The following ACBD6 variants were observed in gnomAD, a reference collection of about 807,000 sequenced individuals.
ACBD6 encodes the protein acyl-CoA-binding domain-containing protein 6.
A neutral mutation model predicts 37.2 loss-of-function variants in ACBD6; 28 were observed. The observed-to-expected ratio is 0.75, with a 90% CI of 0.56 to 1.03. The LOEUF (loss-of-function observed/expected upper bound fraction) is 1.03. Ranked by LOEUF, ACBD6 falls within the 50% of genes least tolerant of loss-of-function variation. The pLI is 0.00. For missense variants in ACBD6, 340 were observed against 337.4 expected (o/e 1.01, Z -0.06); for synonymous variants, 113 against 126.8 (o/e 0.89, Z 0.73).
chr1:180,443,688 C>T (rs951326736), intron 3 of ACBD6, among the ~76,000 whole-genome samples: 12 of 152,118 alleles, frequency 7.9e-5, no homozygotes, highest in African/African-American at 2.9e-4. Context: ...TCTTGGCTCC[C>T]TGCAAGCTCC....
chr1:180,345,793 A>C (rs1266853364), intron 6 of ACBD6, among the ~76,000 whole-genome samples: 1 of 152,240 alleles, frequency 6.6e-6, no homozygotes, highest in African/African-American at 2.4e-5. Context: ...TGTATATTTA[A>C]AAATGTTTTA....
rs1033639404 is a variant in ACBD6 at position 180,430,333 on chromosome 1, A to G, written c.385-71T>C. On this transcript the variant is annotated intron_variant, in intron 3 of 7. Transcript: ENST00000367595. ...AACAATAGGTATTTAAATCAGTTACAAAATGTTATTTTGCTAAGAAAGACT... is the reference window on the plus strand; with the variant it reads ...AACAATAGGTATTTAAATCAGTTACGAAATGTTATTTTGCTAAGAAAGACT... 13 of 1,289,980 alleles carry G rather than the reference A, an allele frequency of 1.0e-5. No individual in the cohort carries two copies. In the African/African-American group the frequency reaches 1.7e-4, roughly 17 times the overall value. 79.9% of individuals were successfully genotyped at this position (1,289,980 alleles called of 1,614,324 possible).
At chr1:180,495,584 T>A in intron 1 of ACBD6, 59 bp from the exon 2 acceptor site, 2 of 1,369,356 alleles carry the variant, frequency 1.5e-6, no homozygotes, top group Non-Finnish European at 2.1e-6. Flanking sequence ...GGGAAACTTT[T>A]CCTTTTCAAA....
At chr1:180,301,952 TAC>T (rs1437731107) in intron 7 of ACBD6, among the ~76,000 whole-genome samples, 1 of 152,136 alleles carries the variant, frequency 6.6e-6, no homozygotes, top group African/African-American at 2.4e-5. Context: ...TACAATCGTT[TAC>T]ACTTTTCTCA....
intron 5 of ACBD6, among the ~76,000 whole-genome samples, chr1:180,412,109 C>CAA (rs57171524): frequency 3.9e-3 from 434 of 112,234 alleles, no homozygotes; most frequent in African/African-American, 9.2e-3. Context: ...TTCTGAAAGG[C>CAA]AAAAAAAAAA....
intron 9 of ACBD6, chr1:180,278,603 T>A (rs1169858472): frequency 6.6e-6 from 1 of 150,738 alleles, no homozygotes; most frequent in Non-Finnish European, 1.5e-5. Flanking sequence ...CCCACTCTCA[T>A]CTATTGCCCA....
chr1:180,289,253 G>A (rs1055623157), intron 7 of ACBD6, among the ~76,000 whole-genome samples: 1 of 152,108 alleles, frequency 6.6e-6, no homozygotes, highest in Non-Finnish European at 1.5e-5. Flanking sequence ...GATCAGTGGG[G>A]AAATAAAGAC....
chr1:180,463,241 T>G (rs1192304134), intron 3 of ACBD6, among the ~76,000 whole-genome samples: 1 of 152,000 alleles, frequency 6.6e-6, no homozygotes, highest in Non-Finnish European at 1.5e-5. Flanking sequence ...AACTGAAGGA[T>G]ATAGACATAA....
chr1:180,329,675 T>C (rs1252685905), intron 6 of ACBD6, among the ~76,000 whole-genome samples: 1 of 152,206 alleles, frequency 6.6e-6, no homozygotes, highest in Non-Finnish European at 1.5e-5. Flanking sequence ...CAATTTTTTT[T>C]AACATTCTAT....
chr1:180,435,901 T>G, intron 3 of ACBD6: 1 of 1,390,138 alleles, frequency 7.2e-7, no homozygotes, highest in East Asian at 2.3e-5. Context: ...ACGTCAATGG[T>G]GGTGGCCACA....
rs1434984003 is a variant in ACBD6, at chr1:180,493,261, AAAAAAAAAAAAAAAAAAC to A, written c.288-914_288-897del. 6.8e-3 allele frequency among the ~76,000 whole-genome samples: 964 copies of A among 141,130 alleles called. 20 individuals carry two copies. Among genetic ancestry groups the A allele is most frequent in the African/African-American group, 0.026 (916 of 35,346 alleles). 92.6% of individuals were successfully genotyped at this position (141,130 alleles called of 152,430 possible). ...AAATTCTGTCTCAAAAAAAAAAAAA[AAAAAAAAAAAAAAAAAAC>A]AACAACAGCAACTAAAGAATACTAA... On this transcript the variant is annotated intron_variant, in intron 2 of 7. Transcript: ENST00000367595.
rs540776463 is a variant in ACBD6, at chr1:180,391,102, G to C, written c.663+6414C>G. Among the ~76,000 whole-genome samples, 98 of 150,432 alleles carry C rather than the reference G, an allele frequency of 6.5e-4. 2 individuals carry two copies. The highest frequency in any genetic ancestry group is 5.2e-3 in the South Asian group (25 of 4,814). ...GGGAAAGAACAGTCTTTTCAATAAT[G>C]GTGGTGAAACAACTGGATATCCATA... On this transcript the variant is annotated intron_variant, in intron 6 of 7. Coordinates refer to ENST00000367595, the MANE Select transcript of ACBD6 (RefSeq NM_032360.4).
intron 5 of ACBD6, among the ~76,000 whole-genome samples, chr1:180,401,920 TA>T (rs1375801618): frequency 6.6e-6 from 1 of 152,052 alleles, no homozygotes; most frequent in Non-Finnish European, 1.5e-5. Context: ...GTATAACAGA[TA>T]AAAACATGGC....
At chr1:180,376,070 A>G (rs1415357435) in intron 6 of ACBD6, among the ~76,000 whole-genome samples, 1 of 152,216 alleles carries the variant, frequency 6.6e-6, no homozygotes, top group African/African-American at 2.4e-5. Context: ...AATAGCCCTG[A>G]AATACATAAA....
chr1:180,411,194 T>C (rs1250440707), intron 5 of ACBD6, among the ~76,000 whole-genome samples: 1 of 152,180 alleles, frequency 6.6e-6, no homozygotes, highest in Non-Finnish European at 1.5e-5. Flanking sequence ...AACAAAGTGG[T>C]TTCTTAAGAC....
At chr1:180,492,227 A>G (rs747254983) in intron 3 of ACBD6, 42 bp downstream of exon 3, 14 of 1,435,848 alleles carry the variant, frequency 9.8e-6, no homozygotes, top group Middle Eastern at 1.7e-4. Flanking sequence ...GAGAAGGATC[A>G]TAAGTTTTTG....
intron 5 of ACBD6, among the ~76,000 whole-genome samples, chr1:180,405,786 A>G (rs1647599015): frequency 6.6e-6 from 1 of 152,138 alleles, no homozygotes; most frequent in South Asian, 2.1e-4. Context: ...ACACTTCACA[A>G]ATTATTGAAA....
At chr1:180,482,723 A>T (rs1571567398) in intron 3 of ACBD6, among the ~76,000 whole-genome samples, 1 of 152,202 alleles carries the variant, frequency 6.6e-6, no homozygotes. Flanking sequence ...CTTCATCTAT[A>T]TATCAGACAA....
intron 6 of ACBD6, among the ~76,000 whole-genome samples, chr1:180,349,092 TTAATA>T (rs1652300398): frequency 6.6e-6 from 1 of 152,086 alleles, no homozygotes; most frequent in African/African-American, 2.4e-5. Context: ...TATCACTTGT[TTAATA>T]TAACTTTGTA....
Sources: gnomAD v4.1 joint callset for allele counts (sites outside exome capture counted in the v4.1 genomes callset) on GRCh38, gnomAD v4.1.1 for gene constraint, MANE v1.5 for transcripts, NCBI Gene and HGNC (gene_info 2026-07-23, HGNC 2026-07-21) for gene names.